The following PLCB4 variants were observed in gnomAD, a reference collection of about 807,000 sequenced individuals.
PLCB4 encodes the protein phospholipase C beta 4.
A neutral mutation model predicts 178.8 loss-of-function variants in PLCB4; 77 were observed. The ratio of observed to expected loss-of-function variants is 0.43; its 90% CI spans 0.36 to 0.52. The LOEUF (loss-of-function observed/expected upper bound fraction) is 0.52. Ranked by LOEUF, PLCB4 falls within the 20% of genes least tolerant of loss-of-function variation. PLCB4 has a pLI of 0.00. For synonymous variants in PLCB4, 496 were observed against 490.8 expected, an observed-to-expected ratio of 1.01 and a Z score of -0.14; for missense variants, 1,024 against 1,453.4, an observed-to-expected ratio of 0.70 and a Z score of 4.80.
rs778677096 is a variant in PLCB4, at chr20:9,419,956, G to A, written c.2154+47G>A. ...AGGTAGTATAAATGTATACACAAGT[G>A]GTCCTTGAAAGAAATTATAAAATAT... On this transcript the variant is annotated intron_variant, in intron 26 of 39. Coordinates refer to ENST00000378473, the MANE Select transcript of PLCB4 (RefSeq NM_001377142.1). The A allele has an allele frequency of 2.7e-6, 3 of 1,121,170 alleles. No individual in the cohort carries two copies. The South Asian group carries it at 4.0e-5, about 15-fold the overall frequency. The allele number at this position is 1,121,170 out of a possible 1,614,324, so 69.5% of individuals were successfully genotyped here. A position where few individuals can be genotyped will look rare whatever the true frequency, so the allele number is the denominator to read the frequency against.
chr20:9,195,585 T>C (rs1032611171), intron 2 of PLCB4, among the ~76,000 whole-genome samples: 46 of 152,136 alleles, frequency 3.0e-4, no homozygotes, highest in African/African-American at 1.0e-3. Flanking sequence ...TAGACATCCA[T>C]CATCTCCTGC....
chr20:9,453,246 T>C (rs954418780), intron 32 of PLCB4, 101 bp from the exon 33 acceptor site: 1 of 690,966 alleles, frequency 1.4e-6, no homozygotes, highest in Admixed American at 2.6e-5. Flanking sequence ...CTTGACTTTC[T>C]AAATGAAGAC....
intron 28 of PLCB4, among the ~76,000 whole-genome samples, chr20:9,434,007 A>G (rs999786261): frequency 1.3e-5 from 2 of 152,256 alleles, no homozygotes; most frequent in Non-Finnish European, 2.9e-5. Context: ...GAGGTATGCT[A>G]CGAAATGTTC....
chr20:9,141,950 C>T (rs1416453742), intron 2 of PLCB4, among the ~76,000 whole-genome samples: 1 of 151,960 alleles, frequency 6.6e-6, no homozygotes, highest in Non-Finnish European at 1.5e-5. Context: ...CCCTTTCACA[C>T]ACCAAAGGCA....
At chr20:9,368,943 G>A (rs1276042978) in intron 9 of PLCB4, among the ~76,000 whole-genome samples, 1 of 152,134 alleles carries the variant, frequency 6.6e-6, no homozygotes, top group Admixed American at 6.6e-5. Context: ...ATGTGAACAT[G>A]GGGCTATATA....
At chr20:9,386,818 C>T (rs1324963313) in intron 14 of PLCB4, among the ~76,000 whole-genome samples, 11 of 108,930 alleles carry the variant, frequency 1.0e-4, no homozygotes, top group African/African-American at 3.9e-4. Flanking sequence ...CCTCCCCCCA[C>T]CCCACAACAG....
rs1436638915 is a variant in PLCB4 at position 9,423,766 on chromosome 20, G to A, written c.2338G>A (p.Ala780Thr). 1 of 1,613,718 alleles carries A rather than the reference G, an allele frequency of 6.2e-7. No individual in the cohort carries two copies. Among genetic ancestry groups the A allele is most frequent in the Admixed American group, 1.7e-5 (1 of 59,960 alleles). ...VFRKVILPDL[A>T]VLRIAVYDDN... ...TTTGCAGGTGATCCTGCCGGACCTG[G>A]CTGTCTTGAGAATAGCTGTGTATGA... The change falls in exon 28 of 40, where the codon GCT (alanine) becomes ACT (threonine). Residue 780 changes from alanine to threonine, a missense_variant. Ala to Thr is a moderately conservative substitution (Grantham distance 58). Around this residue, in one of 7 missense-constraint regions of PLCB4, gnomAD observed 227 missense variants for 374.3 expected, o/e 0.61. Coordinates refer to ENST00000378473, the MANE Select transcript of PLCB4 (RefSeq NM_001377142.1).
chr20:9,079,242 G>A (rs1231091194), intron 1 of PLCB4, among the ~76,000 whole-genome samples: 1 of 152,222 alleles, frequency 6.6e-6, no homozygotes, highest in Non-Finnish European at 1.5e-5. Flanking sequence ...CTGGGGAACA[G>A]ATGGCATGTG....
intron 2 of PLCB4, among the ~76,000 whole-genome samples, chr20:9,102,417 G>C (rs778640456): frequency 6.6e-6 from 1 of 152,144 alleles, no homozygotes. Flanking sequence ...CAGCAAATGC[G>C]GTGGTTCGAG....
intron 1 of PLCB4, among the ~76,000 whole-genome samples, chr20:9,083,563 G>T (rs2090261064): frequency 6.6e-6 from 1 of 152,158 alleles, no homozygotes; most frequent in Non-Finnish European, 1.5e-5. Flanking sequence ...CTTAGGCATT[G>T]TGCCCTGGGC....
chr20:9,244,550 A>G (rs1042808798), intron 3 of PLCB4, among the ~76,000 whole-genome samples: 1 of 152,238 alleles, frequency 6.6e-6, no homozygotes, highest in East Asian at 1.9e-4. Flanking sequence ...CATACAATAC[A>G]TAATTTCTGT....
At chr20:9,463,765 T>C (rs535232359) in intron 35 of PLCB4, among the ~76,000 whole-genome samples, 100 of 152,030 alleles carry the variant, frequency 6.6e-4, no homozygotes, top group Admixed American at 2.7e-3. Flanking sequence ...TACAGGAGCA[T>C]GCAGATTCAT....
chr20:9,072,766 A>G (rs2089635262), intron 1 of PLCB4, among the ~76,000 whole-genome samples: 1 of 152,166 alleles, frequency 6.6e-6, no homozygotes, highest in Admixed American at 6.5e-5. Context: ...GAAAGTAATA[A>G]TGCTGTACCT....
At position 9,379,986 on chromosome 20, in the gene PLCB4, A is replaced by G. The variant is rs1487595758; in HGVS notation, c.745-68A>G. 2.2e-5 allele frequency: 16 copies of G among 740,296 alleles called. No homozygotes were observed. The Admixed American group carries it at 3.0e-4, about 14-fold the overall frequency. 45.9% of individuals were successfully genotyped at this position (740,296 alleles called of 1,614,324 possible). On this transcript the variant is annotated intron_variant, in intron 12 of 39. Coordinates refer to ENST00000378473, the MANE Select transcript of PLCB4 (RefSeq NM_001377142.1). ...ATATATTTTGTTTTATAAATTATAA[A>G]CTTAGTAATGTCTAATGCCTCAAGG...
chr20:9,109,030 A>G (rs1568765996), intron 2 of PLCB4, among the ~76,000 whole-genome samples: 1 of 152,192 alleles, frequency 6.6e-6, no homozygotes, highest in Non-Finnish European at 1.5e-5. Flanking sequence ...CCCCCACCAA[A>G]AAAAAGTGTT....
rs145071397 is a variant in PLCB4 at position 9,435,543 on chromosome 20, GT to G, written c.2525-8del. On this transcript the variant is annotated splice_polypyrimidine_tract_variant and intron_variant, in intron 28 of 39. Transcript: ENST00000378473. ...AAACAGAGAATTAACGGCTCATTGG[GT>G]TTTTTTTTCCCCTAGATATCGTGGA... The G allele has an allele frequency of 2.8e-3, 4,057 of 1,432,338 alleles. 58 individuals carry two copies. In the African/African-American group the frequency reaches 0.042, roughly 15 times the overall value. 88.7% of individuals were successfully genotyped at this position (1,432,338 alleles called of 1,614,324 possible). A position where few individuals can be genotyped will look rare whatever the true frequency, so the allele number is the denominator to read the frequency against.
chr20:9,459,125 C>T (rs1030351596), intron 34 of PLCB4, among the ~76,000 whole-genome samples: 1 of 152,242 alleles, frequency 6.6e-6, no homozygotes, highest in Non-Finnish European at 1.5e-5. Flanking sequence ...AGGTGGATCA[C>T]CTGAGATCGG....
At chr20:9,293,221 TGGAA>T (rs769838770) in intron 3 of PLCB4, among the ~76,000 whole-genome samples, 32 of 110,690 alleles carry the variant, frequency 2.9e-4, no homozygotes, top group Admixed American at 1.0e-3. Context: ...GAAGGAAGGA[TGGAA>T]GGAAGGAAGG....
At chr20:9,438,381 AAAG>A (rs1173881917) in intron 30 of PLCB4, among the ~76,000 whole-genome samples, 2 of 151,676 alleles carry the variant, frequency 1.3e-5, no homozygotes, top group Admixed American at 6.6e-5. Context: ...AAAAAAAAAA[AAAG>A]AAAGAAAGAA....
Sources: gnomAD v4.1 joint callset for allele counts (sites outside exome capture counted in the v4.1 genomes callset) on GRCh38, gnomAD v4.1.1 for gene constraint, gnomAD v4.1.1 regional missense constraint, MANE v1.5 for transcripts, NCBI Gene and HGNC (gene_info 2026-07-23, HGNC 2026-07-21) for gene names.